The following DENND2B variants were observed in gnomAD, a reference collection of about 807,000 sequenced individuals.
DENND2B encodes DENN domain containing 2B.
Under a neutral mutation model 116.0 loss-of-function variants are expected in DENND2B, and 32 were observed. The observed-to-expected ratio is 0.28, with a 90% CI of 0.21 to 0.37. The LOEUF is 0.37. Among genes scored for constraint, DENND2B ranks in the 10% least tolerant of loss-of-function variants. The pLI is 1.00. For synonymous variants in DENND2B, 588 were observed against 583.9 expected (o/e 1.01, Z -0.10); for missense variants, 1,276 against 1,477.7 (o/e 0.86, Z 2.24).
chr11:8,735,421 G>GAAAACCCACAGAAATGTGAGAAAC, intron 2 of DENND2B, among the ~76,000 whole-genome samples: 1 of 152,320 alleles, frequency 6.6e-6, no homozygotes, highest in East Asian at 1.9e-4. Context: ...AGAACCACCA[G>GAAAACCCACAGAAATGTGAGAAAC]AAAACCCACA....
intron 1 of DENND2B, among the ~76,000 whole-genome samples, chr11:8,789,485 A>C (rs1199071021): frequency 6.6e-6 from 1 of 152,212 alleles, no homozygotes; most frequent in Non-Finnish European, 1.5e-5. Flanking sequence ...ACCAGTAATC[A>C]AACTTAGCAT....
chr11:8,822,871 ATATT>A (rs1402284177), intron 4 of DENND2B, among the ~76,000 whole-genome samples: 2 of 152,246 alleles, frequency 1.3e-5, no homozygotes, highest in African/African-American at 4.8e-5. Flanking sequence ...TGCTCAAAAA[ATATT>A]TCTTAATCAA....
chr11:8,889,447 T>C (rs932877774), intron 1 of DENND2B, among the ~76,000 whole-genome samples: 2 of 152,174 alleles, frequency 1.3e-5, no homozygotes, highest in African/African-American at 4.8e-5. Context: ...GGGCGAGGCA[T>C]CGCCTCACCC....
chr11:8,887,251 AT>A (rs2063971806), intron 1 of DENND2B, among the ~76,000 whole-genome samples: 3 of 152,182 alleles, frequency 2.0e-5, no homozygotes, highest in Admixed American at 2.0e-4. Flanking sequence ...ATTTTGCATT[AT>A]CTTCATTTTT....
intron 1 of DENND2B, among the ~76,000 whole-genome samples, chr11:8,799,924 A>T (rs1431140312): frequency 2.9e-4 from 1 of 3,412 alleles, no homozygotes; most frequent in African/African-American, 3.3e-4. Context: ...TGTATTTATT[A>T]TTATTATTAT....
intron 1 of DENND2B, chr11:8,766,815 G>T: frequency 4.0e-6 from 2 of 502,902 alleles, no homozygotes; most frequent in South Asian, 3.4e-5. Flanking sequence ...ATGTGACAGA[G>T]GACAAGAATA....
intron 1 of DENND2B, among the ~76,000 whole-genome samples, chr11:8,886,532 C>T (rs942344363): frequency 6.6e-6 from 1 of 151,584 alleles, no homozygotes; most frequent in African/African-American, 2.4e-5. Flanking sequence ...GCAGGAAATG[C>T]TTTGGAGAAC....
Position 8,730,978 on chromosome 11 carries a change from T to C in DENND2B, c.312A>G (p.Arg104=). ...CGTCTCTCTTGCACGCCGAAGGGCT[T>C]CTGTCCAAATAACCGAAGCTGGCGG... ...FKTASFGYLD[R]SPSACKRDAQ... Residue 104 remains arginine, a synonymous_variant, in exon 3 of 20, where the codon AGA becomes AGG. Transcript: ENST00000313726. The surrounding 1 kb of genome is among the most constrained non-coding windows in gnomAD (Gnocchi z 4.1). The C allele has an allele frequency of 6.2e-7, 1 of 1,614,234 alleles. No individual in the cohort carries two copies.
intron 16 of DENND2B, 73 bp downstream of exon 16, chr11:8,698,860 T>C (rs1370784318): frequency 1.3e-6 from 2 of 1,560,828 alleles, no homozygotes; most frequent in Non-Finnish European, 8.8e-7. Flanking sequence ...AAACAGGTTG[T>C]GAAGGTTGAG....
At chr11:8,830,253 C>T (rs183583230) in intron 4 of DENND2B, among the ~76,000 whole-genome samples, 6 of 152,276 alleles carry the variant, frequency 3.9e-5, no homozygotes, top group East Asian at 1.9e-4. Flanking sequence ...GGTAGATCAT[C>T]GCCGTGACAC....
intron 1 of DENND2B, among the ~76,000 whole-genome samples, chr11:8,802,246 A>G (rs981197579): frequency 2.0e-5 from 3 of 151,366 alleles, no homozygotes; most frequent in African/African-American, 7.3e-5. Flanking sequence ...AGTTGCAGTG[A>G]GCCGAGATCG....
chr11:8,731,723 C>G (rs145861397), intron 2 of DENND2B, among the ~76,000 whole-genome samples: 335 of 152,274 alleles, frequency 2.2e-3, no homozygotes, highest in African/African-American at 7.6e-3. Context: ...ACCCCAAAAC[C>G]AAACAAGTCT....
upstream of DENND2B, among the ~76,000 whole-genome samples, chr11:8,812,972 C>T (rs950822765): frequency 6.6e-6 from 1 of 152,076 alleles, no homozygotes; most frequent in Non-Finnish European, 1.5e-5. Flanking sequence ...TTTATTGACA[C>T]GAGGTCTTAT....
chr11:8,706,092 A>G (rs1443438236), intron 13 of DENND2B, among the ~76,000 whole-genome samples: 1 of 152,028 alleles, frequency 6.6e-6, no homozygotes, highest in Non-Finnish European at 1.5e-5. Context: ...AGAAAATACA[A>G]AAGTCAGCTG....
In DENND2B at chr11:8,707,657, G is replaced by C. The variant is rs2042843849; in HGVS notation, c.2430+120C>G. ...AGAGAGCTCACTGGTACTTGTTCCT[G>C]CATTCTGTCTCCCGCTCGCTCACAG... On this transcript the variant is annotated intron_variant, in intron 12 of 19. Coordinates refer to ENST00000313726, the MANE Select transcript of DENND2B (RefSeq NM_213618.2). This position sits in a 1 kb window ranked among gnomAD's most constrained non-coding sequence, Gnocchi z 4.8. 1 of 950,874 alleles carries C rather than the reference G, an allele frequency of 1.1e-6. No individual in the cohort carries two copies. The highest frequency in any genetic ancestry group is 1.6e-5 in the African/African-American group (1 of 61,044). The allele number at this position is 950,874 out of a possible 1,614,324, so 58.9% of individuals were successfully genotyped here.
At chr11:8,703,511 CGCTCAGGCCGT>C (rs968912818) in intron 13 of DENND2B, 1 of 152,450 alleles carries the variant, frequency 6.6e-6, no homozygotes, top group African/African-American at 2.4e-5. Flanking sequence ...GAACTGCTGA[CGCTCAGGCCGT>C]GCCAAAGCAG....
At chr11:8,711,979 G>A (rs1250212193) in intron 9 of DENND2B, 2 of 455,916 alleles carry the variant, frequency 4.4e-6, no homozygotes, top group Non-Finnish European at 8.8e-6. Context: ...TACTTGAGCA[G>A]AGCCTGAGAA....
chr11:8,834,875 T>C (rs756079039), intron 4 of DENND2B, among the ~76,000 whole-genome samples: 14 of 152,230 alleles, frequency 9.2e-5, no homozygotes, highest in Non-Finnish European at 1.3e-4. Context: ...GCTGAAATAC[T>C]GTTTATACAT....
chr11:8,784,879 G>T (rs549727169), intron 1 of DENND2B, among the ~76,000 whole-genome samples: 84 of 152,094 alleles, frequency 5.5e-4, no homozygotes, highest in Non-Finnish European at 8.5e-4. Flanking sequence ...AAAAAAAGTG[G>T]GCTGGTAAGC....
Sources: gnomAD v4.1 joint callset for allele counts (sites outside exome capture counted in the v4.1 genomes callset) on GRCh38, gnomAD v4.1.1 for gene constraint, Gnocchi (gnomAD v3.1) non-coding constraint, MANE v1.5 for transcripts, NCBI Gene and HGNC (gene_info 2026-07-23, HGNC 2026-07-21) for gene names.